The following PON3 variants were observed in gnomAD, a reference collection of about 807,000 sequenced individuals.
PON3 encodes the protein serum paraoxonase/lactonase 3.
A neutral mutation model predicts 36.3 loss-of-function variants in PON3; 37 were observed. The ratio of observed to expected loss-of-function variants is 1.02; its 90% CI spans 0.78 to 1.34. The LOEUF is 1.34. PON3 is among the 40% of genes most tolerant of loss of function. The pLI, the probability that PON3 is intolerant of heterozygous loss-of-function variation, is 0.00. For synonymous variants in PON3, 155 were observed against 154.8 expected, an observed-to-expected ratio of 1.00 and a Z score of -0.01; for missense variants, 415 against 426.5, an observed-to-expected ratio of 0.97 and a Z score of 0.24.
rs183175281 is a variant in PON3 at position 95,388,122 on chromosome 7, G to A, written c.201+2032C>T. 2.3e-3 allele frequency among the ~76,000 whole-genome samples: 355 copies of A among 152,210 alleles called. 2 individuals carry two copies. The highest frequency in any genetic ancestry group is 7.9e-3 in the African/African-American group (329 of 41,522). On this transcript the variant is annotated intron_variant, in intron 3 of 8. Transcript: ENST00000265627. ...AATTAAACTAAAGAGCTTCTGCACA[G>A]CAAAAGAAACTATCATCAGAGTGAA...
At chr7:95,362,281 TG>T (rs1808586771) in intron 8 of PON3, 80 bp downstream of exon 8, 1 of 1,562,538 alleles carries the variant, frequency 6.4e-7, no homozygotes. Context: ...CAAATGTGAC[TG>T]GCTTAAATTC....
chr7:95,380,399 T>A (rs1562774587), intron 3 of PON3, among the ~76,000 whole-genome samples: 1 of 152,086 alleles, frequency 6.6e-6, no homozygotes, highest in African/African-American at 2.4e-5. Flanking sequence ...CAACCAAACT[T>A]CTCTGAGCTA....
intron 4 of PON3, 30 bp downstream of exon 4, chr7:95,372,143 C>G (rs769454307): frequency 6.2e-7 from 1 of 1,600,376 alleles, no homozygotes; most frequent in South Asian, 1.1e-5. Flanking sequence ...TCCCTCATTT[C>G]CCCCTTATCC....
intron 4 of PON3, among the ~76,000 whole-genome samples, chr7:95,369,868 T>C (rs968508860): frequency 9.9e-5 from 15 of 152,142 alleles, no homozygotes; most frequent in Non-Finnish European, 2.2e-4. Context: ...TGGAACAAGA[T>C]GGTGGGCAGG....
chr7:95,379,477 C>A (rs920054866), intron 3 of PON3, among the ~76,000 whole-genome samples: 1 of 152,240 alleles, frequency 6.6e-6, no homozygotes, highest in Non-Finnish European at 1.5e-5. Flanking sequence ...TGACAGACGG[C>A]ACCTGGAAAA....
chr7:95,363,865 C>T lies in PON3; in HGVS notation c.693G>A (p.Gln231=), dbSNP rs1394918743. The T allele has an allele frequency of 1.9e-6, 3 of 1,612,910 alleles. No individual in the cohort carries two copies. The African/African-American group carries it at 4.0e-5, about 22-fold the overall frequency. Reference sequence around the variant, plus strand: ...GAAAAATACACAAAAGAGCTTACTTCTGGTCTGCTGAGACTGTGATCCCAT... The same window carrying T: ...GAAAAATACACAAAAGAGCTTACTTTTGGTCTGCTGAGACTGTGATCCCAT... The part of the protein sequence containing the change: ...SANGITVSAD[Q]KYVYVADVAA... The change falls in exon 6 of 9, where the codon CAG becomes CAA. Residue 231 remains glutamine, a splice_region_variant and synonymous_variant. Coordinates refer to ENST00000265627, the MANE Select transcript of PON3 (RefSeq NM_000940.3).
At chr7:95,383,034 A>G (rs532177927) in intron 3 of PON3, among the ~76,000 whole-genome samples, 1 of 152,242 alleles carries the variant, frequency 6.6e-6, no homozygotes, top group Non-Finnish European at 1.5e-5. Flanking sequence ...CCTGGGATGC[A>G]AGGCTGGTCC....
intron 3 of PON3, among the ~76,000 whole-genome samples, chr7:95,387,814 T>C (rs975450262): frequency 1.9e-4 from 29 of 152,104 alleles, no homozygotes; most frequent in Non-Finnish European, 3.5e-4. Flanking sequence ...AACAGAAGCC[T>C]CAGAAATAAC....
intron 3 of PON3, among the ~76,000 whole-genome samples, chr7:95,379,595 C>T (rs954671606): frequency 8.5e-5 from 13 of 152,362 alleles, no homozygotes; most frequent in Middle Eastern, 3.4e-3. Flanking sequence ...CCCATGGAGC[C>T]TTGCTCATTG....
chr7:95,371,880 T>C (rs1396279751), intron 4 of PON3, among the ~76,000 whole-genome samples: 1 of 152,126 alleles, frequency 6.6e-6, no homozygotes, highest in Non-Finnish European at 1.5e-5. Context: ...CTAAAGGGCC[T>C]TTAGTTTACA....
rs541949055 is a variant in PON3, at chr7:95,373,375, T to C, written c.202-1037A>G. 3.3e-5 allele frequency among the ~76,000 whole-genome samples: 5 copies of C among 152,260 alleles called. 1 individual carries two copies. Among genetic ancestry groups the C allele is most frequent in the African/African-American group, 1.2e-4 (5 of 41,556 alleles). ...ACAACCCCAGCTATATCTTCAAACT[T>C]TTTTTAGAACAGTCCTTCTATGCCC... On this transcript the variant is annotated intron_variant, in intron 3 of 8. Transcript: ENST00000265627.
chr7:95,384,452 T>C (rs61076867), intron 3 of PON3, among the ~76,000 whole-genome samples: 1 of 152,132 alleles, frequency 6.6e-6, no homozygotes, highest in African/African-American at 2.4e-5. Context: ...TTCAGTCTAC[T>C]CATCTGACAA....
intron 6 of PON3, 143 bp from the exon 7 acceptor site, chr7:95,362,984 T>C: frequency 1.5e-6 from 1 of 676,856 alleles, no homozygotes; most frequent in Non-Finnish European, 2.7e-6. Context: ...AAGAAGATAA[T>C]GGGGTAGTAT....
rs1808525001 is a variant in PON3, at chr7:95,359,917, C to G, written c.*56G>C. ...ACAGTGCCACTTATCATACAATTAT[C>G]AGTTTACTTTTACAAAATATGTAGA... On this transcript the variant is annotated 3_prime_UTR_variant, in exon 9 of 9. Transcript: ENST00000265627. 1 of 1,533,282 alleles carries G rather than the reference C, an allele frequency of 6.5e-7. No homozygotes were observed. The highest frequency in any genetic ancestry group is 1.4e-5 in the African/African-American group (1 of 71,690). 95.0% of individuals were successfully genotyped at this position (1,533,282 alleles called of 1,614,324 possible).
At chr7:95,371,235 T>G (rs921899244) in intron 4 of PON3, among the ~76,000 whole-genome samples, 1 of 147,044 alleles carries the variant, frequency 6.8e-6, no homozygotes, top group African/African-American at 2.7e-5. Flanking sequence ...CCTTTTGTAT[T>G]AGGAGTAATG....
chr7:95,377,627 G>C (rs141215440), intron 3 of PON3: 9,609 of 404,782 alleles, frequency 0.024, 165 homozygotes, highest in Middle Eastern at 0.046. Flanking sequence ...GTGATACCCA[G>C]GCAAACAGGG....
At chr7:95,363,050 T>C (rs113794466) in intron 6 of PON3, among the ~76,000 whole-genome samples, 221 of 152,314 alleles carry the variant, frequency 1.5e-3, no homozygotes, top group African/African-American at 5.2e-3. Context: ...ATGACTATAA[T>C]GAAACTGGTG....
intron 3 of PON3, among the ~76,000 whole-genome samples, chr7:95,382,386 A>T (rs1355298984): frequency 6.6e-6 from 1 of 152,134 alleles, no homozygotes; most frequent in Non-Finnish European, 1.5e-5. Context: ...GACACAAAAA[A>T]CCCTTCAAAA....
chr7:95,376,661 C>T (rs1808919374), intron 3 of PON3, among the ~76,000 whole-genome samples: 1 of 148,214 alleles, frequency 6.7e-6, no homozygotes, highest in African/African-American at 2.5e-5. Context: ...AAAAAGAAAA[C>T]ATACAGTAGG....
Sources: allele counts gnomAD v4.1 joint callset (sites outside exome capture counted in the v4.1 genomes callset), GRCh38; gene constraint gnomAD v4.1.1; transcripts MANE v1.5; gene names NCBI Gene and HGNC (gene_info 2026-07-23, HGNC 2026-07-21).